Variants in SLC34A1 observed in about 807,000 individuals in gnomAD.
The protein encoded by SLC34A1 is sodium-dependent phosphate transport protein 2A.
A neutral mutation model predicts 51.4 loss-of-function variants in SLC34A1; 57 were observed. The observed-to-expected ratio is 1.11, with a 90% CI of 0.90 to 1.38. The LOEUF (loss-of-function observed/expected upper bound fraction) is 1.38. SLC34A1 is among the 40% of genes most tolerant of loss of function. The pLI is 0.00. For synonymous variants in SLC34A1, 368 were observed against 358.0 expected, an observed-to-expected ratio of 1.03 and a Z score of -0.32; for missense variants, 796 against 835.6, an observed-to-expected ratio of 0.95 and a Z score of 0.58.
At chr5:177,385,651 G>A in intron 1 of SLC34A1, 44 bp from the exon 2 acceptor site, 1 of 894,918 alleles carries the variant, frequency 1.1e-6, no homozygotes, top group Non-Finnish European at 1.8e-6. Flanking sequence ...TGCAGGTGAG[G>A]GTGTGTGGGC....
chr5:177,394,940 G>A (rs980012757), intron 10 of SLC34A1, among the ~76,000 whole-genome samples: 18 of 152,022 alleles, frequency 1.2e-4, no homozygotes, highest in African/African-American at 3.4e-4. Context: ...TGATCCACCC[G>A]CCTCAGCCTC....
chr5:177,393,389 G>A (rs1284239305), intron 8 of SLC34A1, among the ~76,000 whole-genome samples: 1 of 152,106 alleles, frequency 6.6e-6, no homozygotes. Context: ...ATGTTCAGCA[G>A]CACCCAATGC....
chr5:177,389,843 T>C, intron 8 of SLC34A1: 1 of 1,484,394 alleles, frequency 6.7e-7, no homozygotes, highest in Non-Finnish European at 8.9e-7. Flanking sequence ...TGGGCCTTTC[T>C]CTACGGCTGC....
chr5:177,387,601 C>T (rs936767219), intron 5 of SLC34A1, among the ~76,000 whole-genome samples, 161 bp from the exon 6 acceptor site: 19 of 152,246 alleles, frequency 1.2e-4, no homozygotes, highest in Non-Finnish European at 2.5e-4. Context: ...ACGCACAGCC[C>T]GTGCCCACAT....
At chr5:177,395,815 G>A (rs886878326) in intron 10 of SLC34A1, among the ~76,000 whole-genome samples, 1 of 152,150 alleles carries the variant, frequency 6.6e-6, no homozygotes, top group Non-Finnish European at 1.5e-5. Context: ...TGTATTTTTA[G>A]TAGAGACAGG....
intron 8 of SLC34A1, among the ~76,000 whole-genome samples, chr5:177,393,471 G>A (rs1292568337): frequency 6.6e-6 from 1 of 152,186 alleles, no homozygotes; most frequent in Non-Finnish European, 1.5e-5. Context: ...GGCCAGTGGA[G>A]TGACAGGGCA....
chr5:177,386,515 C>T lies in SLC34A1; in HGVS notation c.481C>T (p.Gln161Ter), dbSNP rs762239647. The T allele has an allele frequency of 1.2e-6, 2 of 1,613,950 alleles. No homozygotes were observed. Among genetic ancestry groups the T allele is most frequent in the Non-Finnish European group, 1.7e-6 (2 of 1,179,840 alleles). Residue 161 changes from glutamine (Q) to a stop codon, truncating the protein, a stop_gained, in exon 5 of 13, where the codon CAG (glutamine) becomes TAG (stop). Coordinates refer to ENST00000324417, the MANE Select transcript of SLC34A1 (RefSeq NM_003052.5). LOFTEE classifies it high-confidence loss of function. This position sits in a 1 kb window ranked among gnomAD's most constrained non-coding sequence, Gnocchi z 4.8. ...VVGILVTVLV[Q>*]SSSTSTSIIV... The stretch of plus-strand genomic sequence containing the variant: ...GGGGATCCTGGTGACCGTGCTGGTG[C>T]AGAGCTCCAGCACCTCCACATCCAT...
rs201486383 is a variant in SLC34A1, at chr5:177,396,902, G to A, written c.1292-48G>A. 38 of 1,614,138 alleles carry A rather than the reference G, an allele frequency of 2.4e-5. No individual in the cohort carries two copies. The highest frequency in any genetic ancestry group is 3.1e-5 in the Non-Finnish European group (37 of 1,180,014). On this transcript the variant is annotated intron_variant, in intron 11 of 12. Transcript: ENST00000324417. The surrounding 1 kb of genome is among the most constrained non-coding windows in gnomAD (Gnocchi z 4.0). Reference sequence around the variant, plus strand: ...GGTGGGCCAGGGCTGGCAGGGAAAGGGCCGAAGGAGACGCTGGGGGTCCCA... The same window carrying A: ...GGTGGGCCAGGGCTGGCAGGGAAAGAGCCGAAGGAGACGCTGGGGGTCCCA...
At position 177,388,117 on chromosome 5, in the gene SLC34A1, C is replaced by T. The variant is rs1762665118; in HGVS notation, c.768C>T (p.Asn256=). Residue 256 remains asparagine, a synonymous_variant, in exon 7 of 13, where the codon AAC becomes AAT. Transcript: ENST00000324417. The surrounding 1 kb of genome is among the most constrained non-coding windows in gnomAD (Gnocchi z 4.3). ...HITRLVVASF[N]IHGGRDAPDL... ...CTCGACTTGTGGTGGCCTCCTTCAA[C>T]ATCCATGGTGGCCGTGATGCTCCTG... The T allele has an allele frequency of 6.2e-7, 1 of 1,614,162 alleles. No homozygotes were observed. The highest frequency in any genetic ancestry group is 8.5e-7 in the Non-Finnish European group (1 of 1,180,006).
chr5:177,395,075 A>C (rs933277673), intron 10 of SLC34A1, among the ~76,000 whole-genome samples: 1 of 152,096 alleles, frequency 6.6e-6, no homozygotes, highest in Non-Finnish European at 1.5e-5. Flanking sequence ...CAGGAGGCTG[A>C]GTGGGAGAAT....
chr5:177,397,135 T>G (rs1762998111), intron 12 of SLC34A1, 61 bp downstream of exon 12: 27 of 1,588,524 alleles, frequency 1.7e-5, no homozygotes, highest in Non-Finnish European at 2.2e-5. Context: ...GTGTGGGGCC[T>G]CACAAAGGTG....
chr5:177,397,405 G>A (rs1763006586), intron 12 of SLC34A1: 1 of 488,204 alleles, frequency 2.0e-6, no homozygotes, highest in Admixed American at 3.3e-5. Context: ...AAATGGCAAA[G>A]GGGAATTATT....
At chr5:177,387,139 G>A (rs1231630113) in intron 5 of SLC34A1, among the ~76,000 whole-genome samples, 1 of 151,834 alleles carries the variant, frequency 6.6e-6, no homozygotes, top group Admixed American at 6.6e-5. Flanking sequence ...GGGAGGCTGA[G>A]GGGGGCAGAT....
At chr5:177,393,913 T>A in intron 9 of SLC34A1, 115 bp from the exon 10 acceptor site, 2 of 1,510,940 alleles carry the variant, frequency 1.3e-6, no homozygotes, top group African/African-American at 2.7e-5. Context: ...AGCTCCGGTG[T>A]TGAGGCTCAA....
Position 177,388,799 on chromosome 5 carries a change from C to T in SLC34A1, c.936+427C>T, listed in dbSNP as rs534979957. Among the ~76,000 whole-genome samples, 7 of 152,292 alleles carry T rather than the reference C, an allele frequency of 4.6e-5. No homozygotes were observed. The South Asian group carries it at 1.4e-3, about 32-fold the overall frequency. ...TTTGAGAACCGCTGATCCAGCGCAA[C>T]CCTTGGGTTTCACAGGTAGAGACAC... On this transcript the variant is annotated intron_variant, in intron 8 of 12. Coordinates refer to ENST00000324417, the MANE Select transcript of SLC34A1 (RefSeq NM_003052.5). The surrounding 1 kb of genome is among the most constrained non-coding windows in gnomAD (Gnocchi z 4.3).
Position 177,397,876 on chromosome 5 carries a change from C to T in SLC34A1, c.1510C>T (p.Leu504=), listed in dbSNP as rs1763023222. 6.2e-7 allele frequency: 1 copy of T among 1,613,950 alleles called. No homozygotes were observed. The highest frequency in any genetic ancestry group is 1.3e-5 in the African/African-American group (1 of 75,046). ...CCTGCCCATCCGCATGGCCAAGGCG[C>T]TGGGGAAACGCACGGCCAAGTACCG... The part of the protein sequence containing the change: ...TRLPIRMAKA[L]GKRTAKYRWF... The change falls in exon 13 of 13, where the codon CTG becomes TTG. Residue 504 remains leucine (L), a synonymous_variant. Transcript: ENST00000324417.
intron 8 of SLC34A1, chr5:177,390,477 T>A: frequency 1.7e-6 from 1 of 606,000 alleles, no homozygotes; most frequent in Non-Finnish European, 2.1e-6. Flanking sequence ...CAAGTCCATG[T>A]AATTGAGGTA....
chr5:177,389,749 A>C (rs1762736598), intron 8 of SLC34A1: 1 of 1,537,034 alleles, frequency 6.5e-7, no homozygotes, highest in Non-Finnish European at 8.7e-7. Context: ...CACCTACTGC[A>C]GCTTCCGGCA....
chr5:177,390,753 G>A (rs978896998), intron 8 of SLC34A1, among the ~76,000 whole-genome samples: 2 of 151,978 alleles, frequency 1.3e-5, no homozygotes, highest in Non-Finnish European at 2.9e-5. Context: ...TTCCTCTGAG[G>A]GGGAAACTGC....
Sources: allele counts gnomAD v4.1 joint callset (sites outside exome capture counted in the v4.1 genomes callset), GRCh38; gene constraint gnomAD v4.1.1; non-coding constraint Gnocchi (gnomAD v3.1); transcripts MANE v1.5; gene names NCBI Gene and HGNC (gene_info 2026-07-23, HGNC 2026-07-21).